Variants in NLGN1 observed in about 807,000 individuals in gnomAD.
NLGN1 encodes neuroligin-1.
In NLGN1, 12 loss-of-function variants were observed where a neutral mutation model predicts 65.5. The observed-to-expected ratio is 0.18, with a 90% CI of 0.12 to 0.30. The LOEUF (loss-of-function observed/expected upper bound fraction) is 0.30. NLGN1 is among the 10% of genes least tolerant of loss of function. The pLI is 1.00. For missense variants in NLGN1, 750 were observed against 1,007.1 expected (o/e 0.74, Z 3.46); for synonymous variants, 350 against 359.5 (o/e 0.97, Z 0.30).
Position 173,429,745 on chromosome 3 carries a change from C to T in NLGN1, c.-389-5265C>T, listed in dbSNP as rs867837404. Among the ~76,000 whole-genome samples the T allele has an allele frequency of 2.6e-5, 4 of 152,250 alleles. No homozygotes were observed. The South Asian group carries it at 8.3e-4, about 32-fold the overall frequency. ...ACCCTTGCTCAGATTTGCCACAGTT[C>T]CTGCAAATAACTTGAGAGTGCTGCC... is the stretch of plus-strand genomic sequence containing the variant. On this transcript the variant is annotated intron_variant, in intron 1 of 6. Transcript: ENST00000457714.
intron 2 of NLGN1, among the ~76,000 whole-genome samples, chr3:173,569,813 C>T (rs1744334686): frequency 6.6e-6 from 1 of 152,132 alleles, no homozygotes; most frequent in Admixed American, 6.5e-5. Flanking sequence ...ATAGCATAGG[C>T]AGTAAGTTCA....
chr3:174,154,979 A>G (rs867833924), intron 4 of NLGN1, among the ~76,000 whole-genome samples: 2 of 128,138 alleles, frequency 1.6e-5, no homozygotes, highest in Non-Finnish European at 1.7e-5. Context: ...TATATAATAT[A>G]TTATATTATA....
intron 4 of NLGN1, among the ~76,000 whole-genome samples, chr3:174,070,019 T>A (rs1739472554): frequency 6.6e-6 from 1 of 152,008 alleles, no homozygotes; most frequent in Admixed American, 6.6e-5. Flanking sequence ...GAGGAGAGAG[T>A]TTGACATGTA....
intron 3 of NLGN1, among the ~76,000 whole-genome samples, chr3:173,657,254 T>G (rs1343236955): frequency 6.6e-6 from 1 of 151,952 alleles, no homozygotes. Flanking sequence ...TTCAAGCTCC[T>G]TCTATCTTTA....
At chr3:173,432,389 A>C (rs764295681) in intron 1 of NLGN1, among the ~76,000 whole-genome samples, 16 of 152,312 alleles carry the variant, frequency 1.1e-4, no homozygotes, top group Middle Eastern at 3.4e-3. Flanking sequence ...GCCAGCATTT[A>C]GTGTTGTCAG....
intron 4 of NLGN1, among the ~76,000 whole-genome samples, chr3:174,184,790 C>T (rs1437272474): frequency 6.6e-6 from 1 of 152,072 alleles, no homozygotes; most frequent in Non-Finnish European, 1.5e-5. Flanking sequence ...TCATGTAGTT[C>T]ATGATAAAAT....
At chr3:173,486,475 G>C (rs573553) in intron 2 of NLGN1, among the ~76,000 whole-genome samples, 1 of 152,066 alleles carries the variant, frequency 6.6e-6, no homozygotes, top group Non-Finnish European at 1.5e-5. Context: ...GAAATTATCA[G>C]TCTAGGGATT....
chr3:173,649,440 A>T (rs1241818056), intron 3 of NLGN1, among the ~76,000 whole-genome samples: 2 of 152,096 alleles, frequency 1.3e-5, no homozygotes, highest in African/African-American at 4.8e-5. Context: ...ATGTCAAAAC[A>T]TATCAAATTA....
At chr3:174,019,103 A>T (rs1020103206) in intron 4 of NLGN1, among the ~76,000 whole-genome samples, 1 of 152,144 alleles carries the variant, frequency 6.6e-6, no homozygotes, top group Non-Finnish European at 1.5e-5. Flanking sequence ...GCAGTAAAAA[A>T]TATGTATGTT....
intron 3 of NLGN1, among the ~76,000 whole-genome samples, chr3:173,641,370 G>T: frequency 6.6e-6 from 1 of 152,134 alleles, no homozygotes; most frequent in East Asian, 1.9e-4. Context: ...CTGCAGTGAA[G>T]TGGCACGATC....
intron 4 of NLGN1, among the ~76,000 whole-genome samples, chr3:174,260,997 A>C (rs1008925539): frequency 3.3e-5 from 5 of 151,678 alleles, no homozygotes; most frequent in African/African-American, 1.2e-4. Flanking sequence ...ATAGTTGTAG[A>C]TATGCGGTGT....
chr3:174,222,902 T>C, intron 4 of NLGN1, among the ~76,000 whole-genome samples: 1 of 152,168 alleles, frequency 6.6e-6, no homozygotes, highest in East Asian at 1.9e-4. Context: ...AAAATATAAC[T>C]TTTTTCTTTC....
At chr3:173,736,646 T>C (rs1280155466) in intron 3 of NLGN1, among the ~76,000 whole-genome samples, 1 of 144,634 alleles carries the variant, frequency 6.9e-6, no homozygotes, top group African/African-American at 2.5e-5. Context: ...AAAAGAGCCA[T>C]TGCAGATAAA....
intron 4 of NLGN1, among the ~76,000 whole-genome samples, chr3:174,243,054 G>A (rs549098058): frequency 8.5e-5 from 13 of 152,158 alleles, no homozygotes; most frequent in Non-Finnish European, 1.5e-4. Flanking sequence ...TGAATTTGAA[G>A]CAAAGATGAA....
chr3:173,790,685 TTG>T (rs148805626), intron 3 of NLGN1, among the ~76,000 whole-genome samples: 4 of 150,494 alleles, frequency 2.7e-5, no homozygotes, highest in Non-Finnish European at 3.0e-5. Context: ...GTGAGTATGG[TTG>T]TGTGTGTGTG....
chr3:174,125,679 T>G (rs181896633), intron 4 of NLGN1, among the ~76,000 whole-genome samples: 1 of 152,190 alleles, frequency 6.6e-6, no homozygotes, highest in Non-Finnish European at 1.5e-5. Context: ...TACATGCACA[T>G]GTCATGGTTG....
At chr3:174,293,512 A>T in the NLGN1 span, among the ~76,000 whole-genome samples, 3 of 151,750 alleles carry the variant, frequency 2.0e-5, no homozygotes, top group East Asian at 5.8e-4. Context: ...TGACTTCAGA[A>T]AAAAGAAGAA....
At chr3:173,401,488 T>G (rs567462587) in intron 1 of NLGN1, among the ~76,000 whole-genome samples, 1 of 152,136 alleles carries the variant, frequency 6.6e-6, no homozygotes, top group South Asian at 2.1e-4. Context: ...AAAAAACAAA[T>G]AAGAAGAAGG....
intron 2 of NLGN1, among the ~76,000 whole-genome samples, chr3:173,575,113 C>T (rs1745301764): frequency 6.6e-6 from 1 of 152,156 alleles, no homozygotes; most frequent in East Asian, 1.9e-4. Flanking sequence ...TCTCAAATTC[C>T]TGGCTTCAAA....
Sources: gnomAD v4.1 joint callset for allele counts (sites outside exome capture counted in the v4.1 genomes callset) on GRCh38, gnomAD v4.1.1 for gene constraint, MANE v1.5 for transcripts, NCBI Gene and HGNC (gene_info 2026-07-23, HGNC 2026-07-21) for gene names.